The following ZC3H12B variants were observed in gnomAD, a reference collection of about 807,000 sequenced individuals.
ZC3H12B encodes the protein zinc finger CCCH-type containing 12B, also known as probable ribonuclease ZC3H12B.
ZC3H12B carries 7 observed loss-of-function variants against 43.9 expected under a neutral mutation model. That is an observed-to-expected ratio of 0.16 (90% CI 0.09 to 0.30). The LOEUF is 0.30. ZC3H12B is among the 10% of genes least tolerant of loss of function. The probability of loss-of-function intolerance (pLI) is 1.00; values close to 1 mark genes in which losing one functional copy is unlikely to be tolerated. For missense variants in ZC3H12B, 475 were observed against 670.2 expected, an observed-to-expected ratio of 0.71 and a Z score of 3.22; for synonymous variants, 222 against 241.7, an observed-to-expected ratio of 0.92 and a Z score of 0.76.
chrX:65,363,683 G>T (rs1414269393), upstream of ZC3H12B, among the ~76,000 whole-genome samples: 1 of 111,414 alleles, frequency 9.0e-6, no homozygotes, highest in Non-Finnish European at 1.9e-5. Flanking sequence ...CAAGGACCGG[G>T]ACTGCACCCT....
At chrX:65,209,534 G>T in the ZC3H12B span, among the ~76,000 whole-genome samples, 2 of 102,108 alleles carry the variant, frequency 2.0e-5, no homozygotes, top group Non-Finnish European at 4.0e-5. Flanking sequence ...TTGCACTGTG[G>T]TCTGAGAGAT....
At chrX:65,380,705 G>A (rs1356376791) in intron 2 of ZC3H12B, among the ~76,000 whole-genome samples, 4 of 111,748 alleles carry the variant, frequency 3.6e-5, no homozygotes, top group African/African-American at 1.3e-4. Context: ...GCTGTATTCA[G>A]GAAACCCATC....
the ZC3H12B span, among the ~76,000 whole-genome samples, chrX:65,111,221 C>T: frequency 9.0e-6 from 1 of 111,054 alleles, no homozygotes; most frequent in East Asian, 2.9e-4. Context: ...CTGTTATATC[C>T]TTATCTTGCC....
chrX:65,098,657 C>T, the ZC3H12B span, among the ~76,000 whole-genome samples: 1 of 110,560 alleles, frequency 9.0e-6, no homozygotes, highest in Non-Finnish European at 1.9e-5. Context: ...AGGGACCTCC[C>T]TTCTTCAGCC....
chrX:65,496,669 G>T (rs1464439884), intron 1 of ZC3H12B, among the ~76,000 whole-genome samples: 2 of 111,937 alleles, frequency 1.8e-5, no homozygotes, highest in Non-Finnish European at 3.8e-5. Context: ...GAAAGTAAAT[G>T]TCATGGCTGG....
intron 3 of ZC3H12B, among the ~76,000 whole-genome samples, chrX:65,421,871 C>T (rs1005122919): frequency 9.2e-6 from 1 of 108,449 alleles, no homozygotes; most frequent in African/African-American, 3.4e-5. Context: ...TGGTGTGAAC[C>T]GGGCAGGCGG....
chrX:65,225,653 G>A, the ZC3H12B span, among the ~76,000 whole-genome samples: 23 of 112,008 alleles, frequency 2.1e-4, no homozygotes, highest in African/African-American at 6.8e-4. Flanking sequence ...TGTATAACTA[G>A]AATAACCAAT....
chrX:65,239,001 G>A, the ZC3H12B span, among the ~76,000 whole-genome samples: 6 of 111,769 alleles, frequency 5.4e-5, no homozygotes, highest in Non-Finnish European at 1.1e-4. Flanking sequence ...TTTTATTTCC[G>A]ATTATGTTAT....
chrX:65,144,402 A>G, the ZC3H12B span, among the ~76,000 whole-genome samples: 1 of 111,541 alleles, frequency 9.0e-6, no homozygotes, highest in Non-Finnish European at 1.9e-5. Context: ...TACCAATGTT[A>G]TTTATCTTTT....
the ZC3H12B span, among the ~76,000 whole-genome samples, chrX:65,352,099 A>T: frequency 8.9e-6 from 1 of 112,633 alleles, no homozygotes; most frequent in Non-Finnish European, 1.9e-5. Context: ...TGGATAAAGA[A>T]AATGTGGCAC....
chrX:65,462,567 T>C (rs1330091199), intron 3 of ZC3H12B, among the ~76,000 whole-genome samples: 2 of 112,096 alleles, frequency 1.8e-5, no homozygotes, highest in Non-Finnish European at 3.8e-5. Flanking sequence ...AGTAATGTTT[T>C]ATTTGCTCAG....
chrX:65,331,093 A>G, the ZC3H12B span: 3 of 314,233 alleles, frequency 9.5e-6, no homozygotes, highest in East Asian at 8.4e-5. Flanking sequence ...TATTCCACCA[A>G]TTGTAATGTA....
chrX:65,311,782 G>A, the ZC3H12B span, among the ~76,000 whole-genome samples: 4 of 111,581 alleles, frequency 3.6e-5, no homozygotes, highest in Non-Finnish European at 7.5e-5. Context: ...AAGGAAATGT[G>A]GCACATATAC....
the ZC3H12B span, among the ~76,000 whole-genome samples, chrX:65,177,516 AT>A: frequency 8.9e-6 from 1 of 112,193 alleles, no homozygotes; most frequent in Non-Finnish European, 1.9e-5. Flanking sequence ...ACATGAATGT[AT>A]TTTTAGAAAA....
At chrX:65,393,258 T>A (rs755404285) in intron 2 of ZC3H12B, among the ~76,000 whole-genome samples, 45 of 111,681 alleles carry the variant, frequency 4.0e-4, no homozygotes, top group Non-Finnish European at 7.2e-4. Context: ...ACTAAAAAAA[T>A]TAAAAAAAAA....
the ZC3H12B span, among the ~76,000 whole-genome samples, chrX:65,246,735 C>T: frequency 2.7e-5 from 3 of 112,206 alleles, no homozygotes; most frequent in African/African-American, 9.7e-5. Context: ...CCCTTCCTTA[C>T]ACCATATACA....
the ZC3H12B span, chrX:65,185,781 G>C: frequency 9.0e-6 from 1 of 111,124 alleles, no homozygotes; most frequent in South Asian, 3.8e-4. Context: ...TGACATATCA[G>C]GAACTTCAAG....
chrX:65,359,019 T>C, the ZC3H12B span, among the ~76,000 whole-genome samples: 1 of 111,537 alleles, frequency 9.0e-6, no homozygotes, highest in Admixed American at 9.5e-5. Flanking sequence ...AAAATTTTAG[T>C]GCCCTTAAGA....
chrX:65,421,552 A>G (rs1462456331), intron 3 of ZC3H12B, among the ~76,000 whole-genome samples: 3 of 112,239 alleles, frequency 2.7e-5, no homozygotes, highest in African/African-American at 9.7e-5. Context: ...CCTTCCCTAC[A>G]CTCAATGCTA....
Sources: gnomAD v4.1 joint callset for allele counts (sites outside exome capture counted in the v4.1 genomes callset) on GRCh38, gnomAD v4.1.1 for gene constraint, MANE v1.5 for transcripts, NCBI Gene and HGNC (gene_info 2026-07-23, HGNC 2026-07-21) for gene names.